ANK3: variants seen among roughly 807,000 people sequenced by gnomAD.
ANK3 encodes the protein ankyrin 3.
A neutral mutation model predicts 370.9 loss-of-function variants in ANK3; 57 were observed. The ratio of observed to expected loss-of-function variants is 0.15; its 90% confidence interval spans 0.12 to 0.19. The LOEUF (loss-of-function observed/expected upper bound fraction) is 0.19. Among genes scored for constraint, ANK3 ranks in the 10% least tolerant of loss-of-function variants. ANK3 has a pLI of 1.00. For synonymous variants in ANK3, 1,929 were observed against 1,946.3 expected, an observed-to-expected ratio of 0.99 and a Z score of 0.23; for missense variants, 4,439 against 5,302.1, an observed-to-expected ratio of 0.84 and a Z score of 5.06.
rs562281694 is a variant in ANK3 at position 60,030,432 on chromosome 10, A to G, written c.*20-606T>C. On this transcript the variant is annotated intron_variant, in intron 43 of 43. Transcript: ENST00000280772. ...GCTGGGATTACAGGCATGAGCCACC[A>G]CGCCCGGCCCTCAACTTTTATGTAA... is the stretch of plus-strand genomic sequence containing the variant. Among the ~76,000 whole-genome samples, 378 of 152,070 alleles carry G rather than the reference A, an allele frequency of 2.5e-3. 5 individuals are homozygous for G. Among genetic ancestry groups the G allele is most frequent in the Non-Finnish European group, 3.9e-3 (262 of 67,966 alleles).
At chr10:60,140,364 C>T (rs1335117479) in intron 23 of ANK3, 1 of 1,613,834 alleles carries the variant, frequency 6.2e-7, no homozygotes, top group Non-Finnish European at 8.5e-7. Flanking sequence ...TGCGGTAAAG[C>T]CATTTCCACT....
chr10:60,242,311 A>T (rs192593967), intron 7 of ANK3, among the ~76,000 whole-genome samples: 1 of 152,328 alleles, frequency 6.6e-6, no homozygotes, highest in African/African-American at 2.4e-5. Flanking sequence ...CAACTTCATC[A>T]CACCGCTCTA....
At position 60,411,256 on chromosome 10, in the gene ANK3, C is replaced by T. The variant is rs374511271; in HGVS notation, c.97-131617G>A. On this transcript the variant is annotated intron_variant, in intron 2 of 43. Transcript: ENST00000373827. ...AGGAAGAGGAGGGACAAAAATTAGGCCAGTTATGTTCGGGGTTCAGAGGTA... is the reference window on the plus strand; with the variant it reads ...AGGAAGAGGAGGGACAAAAATTAGGTCAGTTATGTTCGGGGTTCAGAGGTA... Among the ~76,000 whole-genome samples, 6 of 152,294 alleles carry T rather than the reference C, an allele frequency of 3.9e-5. No homozygotes were observed. In the East Asian group the frequency reaches 9.6e-4, roughly 24 times the overall value.
At chr10:60,393,902 T>C (rs1341718585), upstream of ANK3, among the ~76,000 whole-genome samples, 2 of 151,428 alleles carry the variant, frequency 1.3e-5, no homozygotes, top group African/African-American at 2.4e-5. Context: ...GGGGAGTATA[T>C]AGAATAATGG....
chr10:60,217,136 T>A (rs1157390694), intron 8 of ANK3, among the ~76,000 whole-genome samples: 1 of 152,180 alleles, frequency 6.6e-6, no homozygotes, highest in Non-Finnish European at 1.5e-5. Flanking sequence ...TTTTATTGTC[T>A]ATTTGATTCT....
At chr10:60,043,354 T>C in intron 42 of ANK3, 1 of 985,048 alleles carries the variant, frequency 1.0e-6, no homozygotes, top group Middle Eastern at 5.2e-4. Flanking sequence ...TTTTCAATTT[T>C]GTGATTTGTA....
intron 1 of ANK3, among the ~76,000 whole-genome samples, chr10:60,648,070 C>A (rs1274863254): frequency 6.6e-6 from 1 of 150,942 alleles, no homozygotes. Context: ...TGGTCTGGAT[C>A]TCTTGACCTC....
chr10:60,044,005 G>C (rs968384184), intron 42 of ANK3: 2 of 985,714 alleles, frequency 2.0e-6, no homozygotes, highest in African/African-American at 3.5e-5. Flanking sequence ...CAGCCTGTTA[G>C]CAGCAATTTC....
chr10:60,181,016 C>G (rs2096162752), intron 18 of ANK3, among the ~76,000 whole-genome samples: 1 of 152,086 alleles, frequency 6.6e-6, no homozygotes, highest in Non-Finnish European at 1.5e-5. Flanking sequence ...ACATCCATCA[C>G]AAAAACTAAG....
chr10:60,082,406 G>A lies in ANK3; in HGVS notation c.4323+209C>T, dbSNP rs184296514. ...AAAAATCTATGCGCTACCAGCAGAA[G>A]CAAAAGCGATAAACAGAGAAGACTC... On this transcript the variant is annotated intron_variant, in intron 34 of 43. Transcript: ENST00000280772. The A allele has an allele frequency of 9.5e-6, 7 of 733,564 alleles. No homozygotes were observed. The African/African-American group carries it at 1.3e-4, about 13-fold the overall frequency. 45.4% of individuals were successfully genotyped at this position (733,564 alleles called of 1,614,324 possible). A position where few individuals can be genotyped will look rare whatever the true frequency, so the allele number is the denominator to read the frequency against.
chr10:60,425,433 T>G (rs964975535), intron 2 of ANK3, among the ~76,000 whole-genome samples: 2 of 152,156 alleles, frequency 1.3e-5, no homozygotes, highest in Non-Finnish European at 2.9e-5. Context: ...TATTGTCAAG[T>G]TCTATGTGTT....
intron 2 of ANK3, among the ~76,000 whole-genome samples, chr10:60,523,679 G>A (rs1279545800): frequency 6.6e-6 from 1 of 151,814 alleles, no homozygotes; most frequent in Non-Finnish European, 1.5e-5. Context: ...CTTTGCTATT[G>A]TGAATAGTGC....
At chr10:60,306,893 C>T (rs746153547) in intron 1 of ANK3, among the ~76,000 whole-genome samples, 2 of 152,042 alleles carry the variant, frequency 1.3e-5, no homozygotes, top group Non-Finnish European at 2.9e-5. Context: ...CTACCACATC[C>T]ATCTAATTTT....
chr10:60,206,288 C>T (rs1373053348), intron 10 of ANK3, among the ~76,000 whole-genome samples: 1 of 152,070 alleles, frequency 6.6e-6, no homozygotes, highest in Non-Finnish European at 1.5e-5. Context: ...ACCTGGCCAA[C>T]ACGGTGAAAC....
chr10:60,313,638 C>T (rs2046817159), intron 1 of ANK3, among the ~76,000 whole-genome samples: 1 of 152,196 alleles, frequency 6.6e-6, no homozygotes, highest in Non-Finnish European at 1.5e-5. Flanking sequence ...TCAGCGCTTT[C>T]ATAAAATATT....
At chr10:60,203,517 T>C (rs543727867) in intron 11 of ANK3, among the ~76,000 whole-genome samples, 69 of 152,322 alleles carry the variant, frequency 4.5e-4, no homozygotes, top group Non-Finnish European at 8.1e-4. Context: ...TCAGATCCTA[T>C]TCTGGGCTTT....
chr10:60,136,030 A>G (rs1014425753), intron 24 of ANK3, among the ~76,000 whole-genome samples: 2 of 151,510 alleles, frequency 1.3e-5, no homozygotes, highest in Non-Finnish European at 2.9e-5. Context: ...AGTAAGCCAC[A>G]TGACTCTAGC....
chr10:60,056,028 T>G lies in ANK3; in HGVS notation c.12695A>C (p.Gln4232Pro), dbSNP rs368823652. The change falls in exon 42 of 44, where the codon CAG (glutamine) becomes CCG (proline). Residue 4232 changes from glutamine to proline, a missense_variant. Around this residue, in one of 13 missense-constraint regions of ANK3, gnomAD observed 242 missense variants for 228.0 expected, o/e 1.06. Coordinates refer to ENST00000280772, the MANE Select transcript of ANK3 (RefSeq NM_020987.5). The part of the protein sequence containing the change: ...LLDRLDDSPD[Q>P]CRDSITSYLK... ...ATATGAGGTAATGGAATCTCTACAC[T>G]GGTCAGGGCTGCAACAGAAAATTTG... 6.2e-7 allele frequency: 1 copy of G among 1,604,698 alleles called. No homozygotes were observed. The highest frequency in any genetic ancestry group is 8.5e-7 in the Non-Finnish European group (1 of 1,176,778).
At chr10:60,611,884 A>G (rs2133318606) in intron 2 of ANK3, among the ~76,000 whole-genome samples, 1 of 151,360 alleles carries the variant, frequency 6.6e-6, no homozygotes, top group East Asian at 1.9e-4. Flanking sequence ...TTATCAAAGC[A>G]GTGGAGAAGT....
Sources: gnomAD v4.1 joint callset for allele counts (sites outside exome capture counted in the v4.1 genomes callset) on GRCh38, gnomAD v4.1.1 for gene constraint, gnomAD v4.1.1 regional missense constraint, MANE v1.5 for transcripts, NCBI Gene and HGNC (gene_info 2026-07-23, HGNC 2026-07-21) for gene names.